The following TXNRD1 variants were observed in gnomAD, a reference collection of about 807,000 sequenced individuals.
TXNRD1 encodes thioredoxin reductase 1, cytoplasmic.
Under a neutral mutation model 80.3 loss-of-function variants are expected in TXNRD1, and 57 were observed. The observed-to-expected ratio is 0.71, with a 90% CI of 0.57 to 0.89. TXNRD1 has a LOEUF of 0.89. Among genes scored for constraint, TXNRD1 ranks in the 40% least tolerant of loss-of-function variants. The pLI, the probability that TXNRD1 is intolerant of heterozygous loss-of-function variation, is 0.00. For missense variants in TXNRD1, 730 were observed against 803.0 expected (o/e 0.91, Z 1.10); for synonymous variants, 291 against 285.2 (o/e 1.02, Z -0.20).
In TXNRD1 at chr12:104,237,780, T is replaced by G. The variant is rs565562797; in HGVS notation, c.92-13747T>G. On this transcript the variant is annotated intron_variant, in intron 1 of 16. Coordinates refer to ENST00000525566, the MANE Select transcript of TXNRD1 (RefSeq NM_001093771.3). ...CTGTAATCCCAGCACTTTGGGAGGC[T>G]GAGGCAGGCGGATCATGAGATCAGA... 3.3e-5 allele frequency among the ~76,000 whole-genome samples: 5 copies of G among 152,234 alleles called. No individual in the cohort carries two copies. The South Asian group carries it at 8.3e-4, about 25-fold the overall frequency.
At chr12:104,315,044 A>G (rs1159740395) in intron 6 of TXNRD1, among the ~76,000 whole-genome samples, 2 of 152,180 alleles carry the variant, frequency 1.3e-5, no homozygotes, top group South Asian at 2.1e-4. Context: ...CGCCCAGCCA[A>G]TATACACCAA....
At chr12:104,248,007 T>C (rs2033029259) in intron 1 of TXNRD1, among the ~76,000 whole-genome samples, 1 of 152,220 alleles carries the variant, frequency 6.6e-6, no homozygotes, top group Admixed American at 6.5e-5. Flanking sequence ...CATTCTGTGA[T>C]TCTCATTCTC....
chr12:104,248,263 A>C (rs2033035670), intron 1 of TXNRD1, among the ~76,000 whole-genome samples: 1 of 149,846 alleles, frequency 6.7e-6, no homozygotes, highest in Non-Finnish European at 1.5e-5. Flanking sequence ...ACACACATAA[A>C]TATGTTTGTT....
intron 1 of TXNRD1, among the ~76,000 whole-genome samples, chr12:104,227,020 A>G (rs190965924): frequency 6.6e-6 from 1 of 152,324 alleles, no homozygotes; most frequent in Admixed American, 6.5e-5. Context: ...AAGACTGTCA[A>G]TTATATTTGG....
At chr12:104,278,595 G>A (rs1055536055) in intron 3 of TXNRD1, among the ~76,000 whole-genome samples, 1 of 146,010 alleles carries the variant, frequency 6.8e-6, no homozygotes, top group Non-Finnish European at 1.5e-5. Context: ...TCCACCTCCC[G>A]GGTTCAAGCA....
At chr12:104,268,734 C>A (rs1219791250) in intron 3 of TXNRD1, among the ~76,000 whole-genome samples, 1 of 151,894 alleles carries the variant, frequency 6.6e-6, no homozygotes, top group Non-Finnish European at 1.5e-5. Flanking sequence ...CCAGGCTGGT[C>A]TCGAACTCCT....
intron 3 of TXNRD1, among the ~76,000 whole-genome samples, chr12:104,270,390 A>G (rs1023780724): frequency 6.6e-6 from 1 of 152,176 alleles, no homozygotes; most frequent in Non-Finnish European, 1.5e-5. Flanking sequence ...CTCCTTGTAC[A>G]TCTCCATCAG....
At chr12:104,309,687 C>T (rs2035056062) in intron 4 of TXNRD1, 4 of 1,154,758 alleles carry the variant, frequency 3.5e-6, no homozygotes, top group African/African-American at 1.5e-5. Context: ...TAGGGAGTCA[C>T]ACTAGTTACT....
chr12:104,325,981 A>G (rs2035747018), intron 11 of TXNRD1, among the ~76,000 whole-genome samples: 1 of 152,178 alleles, frequency 6.6e-6, no homozygotes, highest in Non-Finnish European at 1.5e-5. Flanking sequence ...AGAATTTTTA[A>G]ATGAGCCAGA....
chr12:104,218,215 G>A (rs1593673744), intron 1 of TXNRD1, among the ~76,000 whole-genome samples: 1 of 151,888 alleles, frequency 6.6e-6, no homozygotes, highest in African/African-American at 2.4e-5. Context: ...TAGTAGTGAC[G>A]GGGTTTCACC....
chr12:104,254,644 A>AAAAAAAAAAAAAAAAAAAAAATAT, intron 2 of TXNRD1, among the ~76,000 whole-genome samples: 9 of 93,630 alleles, frequency 9.6e-5, no homozygotes, highest in East Asian at 2.7e-4. Context: ...AAAAAAAAAA[A>AAAAAAAAAAAAAAAAAAAAAATAT]ATATATATAT....
intron 16 of TXNRD1, among the ~76,000 whole-genome samples, chr12:104,344,262 G>C (rs2036421265): frequency 6.6e-6 from 1 of 152,056 alleles, no homozygotes; most frequent in African/African-American, 2.4e-5. Flanking sequence ...CTGTGGCTTG[G>C]GAGGGGAGAC....
At chr12:104,282,979 A>C (rs753073578) in intron 3 of TXNRD1, 1 of 152,178 alleles carries the variant, frequency 6.6e-6, no homozygotes, top group Non-Finnish European at 1.5e-5. Context: ...TTACAAGTGT[A>C]AGTTACTGCA....
intron 3 of TXNRD1, among the ~76,000 whole-genome samples, chr12:104,266,875 T>A (rs2135718689): frequency 6.6e-6 from 1 of 151,888 alleles, no homozygotes; most frequent in South Asian, 2.1e-4. Flanking sequence ...GGCAGGAGAA[T>A]GGTGTGAACC....
chr12:104,255,434 A>G (rs2135708447), intron 2 of TXNRD1, among the ~76,000 whole-genome samples: 1 of 152,226 alleles, frequency 6.6e-6, no homozygotes, highest in Non-Finnish European at 1.5e-5. Flanking sequence ...AGTTTTACTT[A>G]ATTAAAACTA....
intron 13 of TXNRD1, among the ~76,000 whole-genome samples, chr12:104,328,176 TAAAAA>T (rs528499476): frequency 3.2e-5 from 4 of 126,570 alleles, no homozygotes; most frequent in Non-Finnish European, 5.2e-5. Context: ...AAAAAAAAAT[TAAAAA>T]AAAAAAAAAG....
chr12:104,345,105 G>A (rs896590921), intron 16 of TXNRD1, among the ~76,000 whole-genome samples: 1 of 152,184 alleles, frequency 6.6e-6, no homozygotes, highest in African/African-American at 2.4e-5. Context: ...TAGAAACGAA[G>A]AAGAAAGTTT....
intron 1 of TXNRD1, among the ~76,000 whole-genome samples, chr12:104,236,496 G>A (rs2032740532): frequency 6.6e-6 from 1 of 152,122 alleles, no homozygotes; most frequent in Admixed American, 6.6e-5. Context: ...AGAGCACTGA[G>A]CTTAATTAAA....
chr12:104,233,568 C>T (rs1244172933), intron 1 of TXNRD1, among the ~76,000 whole-genome samples: 1 of 152,226 alleles, frequency 6.6e-6, no homozygotes, highest in East Asian at 1.9e-4. Flanking sequence ...GTTGCCCAGG[C>T]TGGAGTGCAA....
Sources: gnomAD v4.1 joint callset for allele counts (sites outside exome capture counted in the v4.1 genomes callset) on GRCh38, gnomAD v4.1.1 for gene constraint, MANE v1.5 for transcripts, NCBI Gene and HGNC (gene_info 2026-07-23, HGNC 2026-07-21) for gene names.